Variants in SETD3 observed in about 807,000 individuals in gnomAD.
SETD3 encodes actin-histidine N-methyltransferase.
Under a neutral mutation model 63.0 loss-of-function variants are expected in SETD3, and 19 were observed. The observed-to-expected ratio is 0.30, with a 90% CI of 0.21 to 0.44. SETD3 has a LOEUF of 0.44. Among genes scored for constraint, SETD3 ranks in the 20% least tolerant of loss-of-function variants. The probability of loss-of-function intolerance (pLI) is 1.00; values close to 1 mark genes in which losing one functional copy is unlikely to be tolerated. For missense variants in SETD3, 587 were observed against 728.5 expected (o/e 0.81, Z 2.24); for synonymous variants, 286 against 264.1 (o/e 1.08, Z -0.80).
At chr14:99,468,086 T>A (rs1367889389) in intron 1 of SETD3, among the ~76,000 whole-genome samples, 1 of 151,048 alleles carries the variant, frequency 6.6e-6, no homozygotes, top group Non-Finnish European at 1.5e-5. Context: ...AGGTCATGCA[T>A]CAGGTAAGAG....
At chr14:99,435,391 T>C (rs894948917) in intron 6 of SETD3, among the ~76,000 whole-genome samples, 4 of 152,178 alleles carry the variant, frequency 2.6e-5, no homozygotes, top group African/African-American at 9.6e-5. Flanking sequence ...GTTATTCAAG[T>C]ATTTTATTGA....
At position 99,399,113 on chromosome 14, in the gene SETD3, C is replaced by T. The variant is rs753673588; in HGVS notation, c.1351G>A (p.Val451Ile). 28 of 1,612,712 alleles carry T rather than the reference C, an allele frequency of 1.7e-5. No individual in the cohort carries two copies. Among genetic ancestry groups the T allele is most frequent in the East Asian group, 1.1e-4 (5 of 44,870 alleles). The change falls in exon 13 of 13, where the codon GTC (valine) becomes ATC (isoleucine). Residue 451 changes from valine (V) to isoleucine (I), a missense_variant. Transcript: ENST00000331768. Reference sequence around the variant, plus strand: ...ACAGAAAGATCGTGGTTTTTCAAGACGGATTTATCTTCCTGGAAAACAAGA... The same window carrying T: ...ACAGAAAGATCGTGGTTTTTCAAGATGGATTTATCTTCCTGGAAAACAAGA... ...YKTTIEEDKS[V>I]LKNHDLSVRA...
intron 1 of SETD3, among the ~76,000 whole-genome samples, chr14:99,478,472 T>C (rs1235179269): frequency 6.6e-6 from 1 of 152,202 alleles, no homozygotes; most frequent in Admixed American, 6.5e-5. Flanking sequence ...ACAGTATTAC[T>C]AGTTACAGTT....
chr14:99,402,064 G>A (rs1406908475), intron 11 of SETD3, among the ~76,000 whole-genome samples: 2 of 152,116 alleles, frequency 1.3e-5, no homozygotes, highest in African/African-American at 4.8e-5. Flanking sequence ...GGCCACCACA[G>A]TGTGTGCTCA....
chr14:99,461,603 C>G (rs1895065873), intron 3 of SETD3, among the ~76,000 whole-genome samples: 2 of 152,280 alleles, frequency 1.3e-5, no homozygotes, highest in South Asian at 4.1e-4. Context: ...CTATTAGGTA[C>G]TATTAGGTAA....
At chr14:99,481,369 T>A, upstream of SETD3, 1 of 398,384 alleles carries the variant, frequency 2.5e-6, no homozygotes, top group Non-Finnish European at 4.4e-6. Flanking sequence ...TCCGGTCGCT[T>A]GGTGGCGTCT....
intron 5 of SETD3, 54 bp downstream of exon 5, chr14:99,459,059 T>G (rs190716250): frequency 7.3e-7 from 1 of 1,362,594 alleles, no homozygotes; most frequent in Admixed American, 2.0e-5. Flanking sequence ...AAATGGAATT[T>G]TACATATTTT....
At chr14:99,477,835 C>T (rs1197669265) in intron 1 of SETD3, among the ~76,000 whole-genome samples, 1 of 150,614 alleles carries the variant, frequency 6.6e-6, no homozygotes, top group African/African-American at 2.4e-5. Flanking sequence ...AATTTTTTAC[C>T]TTGAGAGTAA....
In SETD3 at chr14:99,397,757, T is replaced by TTTTTC. The variant is rs1294718173; in HGVS notation, c.*917_*921dup. The TTTTTC allele has an allele frequency of 1.3e-5, 2 of 152,328 alleles. No homozygotes were observed. The highest frequency in any genetic ancestry group is 3.9e-4 in the East Asian group (2 of 5,186). 9.4% of individuals were successfully genotyped at this position (152,328 alleles called of 1,614,324 possible). A position where few individuals can be genotyped will look rare whatever the true frequency, so the allele number is the denominator to read the frequency against. On this transcript the variant is annotated 3_prime_UTR_variant, in exon 13 of 13. Coordinates refer to ENST00000331768, the MANE Select transcript of SETD3 (RefSeq NM_032233.3). ...GGAATAGACAAAAATATTAATCATGTTTTTCTTTTAATAAGGGTTTTTACT... is the reference window on the plus strand; with the variant it reads ...GGAATAGACAAAAATATTAATCATGTTTTTCTTTTCTTTTAATAAGGGTTTTTACT...
chr14:99,405,440 G>A lies in SETD3; in HGVS notation c.925-69C>T, dbSNP rs543323765. 111 of 1,501,682 alleles carry A rather than the reference G, an allele frequency of 7.4e-5. No individual in the cohort carries two copies. The African/African-American group carries it at 1.5e-3, about 20-fold the overall frequency. 93.0% of individuals were successfully genotyped at this position (1,501,682 alleles called of 1,614,324 possible). On this transcript the variant is annotated intron_variant, in intron 9 of 12. Transcript: ENST00000331768. ...TGGCATGTATTCTTAACACAGGGCA[G>A]GGCAGAGGCTTAGTGCTACTTTACA... is the stretch of plus-strand genomic sequence containing the variant.
intron 6 of SETD3, among the ~76,000 whole-genome samples, chr14:99,416,293 T>G (rs1355934890): frequency 6.6e-6 from 1 of 152,166 alleles, no homozygotes; most frequent in African/African-American, 2.4e-5. Flanking sequence ...TTCCAAAAAT[T>G]ATTAATCTGA....
intron 6 of SETD3, among the ~76,000 whole-genome samples, chr14:99,432,709 A>G (rs1893251720): frequency 6.6e-6 from 1 of 152,228 alleles, no homozygotes; most frequent in Non-Finnish European, 1.5e-5. Flanking sequence ...AGTAGCAAAC[A>G]CACAAGAACA....
At chr14:99,417,573 AAC>A (rs1171343693) in intron 6 of SETD3, among the ~76,000 whole-genome samples, 1 of 152,230 alleles carries the variant, frequency 6.6e-6, no homozygotes, top group African/African-American at 2.4e-5. Context: ...AAACTAAACA[AAC>A]AGTTAATATG....
intron 11 of SETD3, among the ~76,000 whole-genome samples, chr14:99,403,665 A>C (rs1339175445): frequency 1.3e-5 from 2 of 152,268 alleles, no homozygotes; most frequent in Non-Finnish European, 2.9e-5. Flanking sequence ...CTTTCTGGGC[A>C]TGAAATAAGA....
intron 8 of SETD3, 175 bp downstream of exon 8, chr14:99,412,776 A>G (rs2139641972): frequency 1.7e-6 from 1 of 574,894 alleles, no homozygotes; most frequent in African/African-American, 1.9e-5. Flanking sequence ...TAAAAGAAAA[A>G]TACCAGCTTC....
chr14:99,458,774 C>CAAAAA (rs5810953), intron 5 of SETD3, among the ~76,000 whole-genome samples: 6 of 89,486 alleles, frequency 6.7e-5, no homozygotes, highest in East Asian at 3.1e-4. Context: ...CCCATCACTA[C>CAAAAA]AAAAAAAAAA....
intron 6 of SETD3, among the ~76,000 whole-genome samples, chr14:99,419,269 A>T (rs767739702): frequency 6.6e-6 from 1 of 152,230 alleles, no homozygotes; most frequent in Non-Finnish European, 1.5e-5. Flanking sequence ...TCGCTTATAT[A>T]TAATTTTTCT....
At chr14:99,404,436 C>G (rs1891569081) in intron 10 of SETD3, 126 bp from the exon 11 acceptor site, 1 of 786,300 alleles carries the variant, frequency 1.3e-6, no homozygotes. Context: ...ATGGGTCATT[C>G]CAGCTCCTCA....
At chr14:99,435,469 C>T (rs1329798502) in intron 6 of SETD3, among the ~76,000 whole-genome samples, 1 of 152,150 alleles carries the variant, frequency 6.6e-6, no homozygotes, top group Non-Finnish European at 1.5e-5. Flanking sequence ...CAGAACGGAG[C>T]TGAAGCAGTG....
Sources: allele counts gnomAD v4.1 joint callset (sites outside exome capture counted in the v4.1 genomes callset), GRCh38; gene constraint gnomAD v4.1.1; transcripts MANE v1.5; gene names NCBI Gene and HGNC (gene_info 2026-07-23, HGNC 2026-07-21).